The following COL2A1 variants were observed in gnomAD, a reference collection of about 807,000 sequenced individuals.
COL2A1 encodes the protein collagen alpha-1(II) chain.
In COL2A1, 28 loss-of-function variants were observed where a neutral mutation model predicts 204.5. That is an observed-to-expected ratio of 0.14 (90% CI 0.10 to 0.19). COL2A1 has a LOEUF of 0.19. Ranked by LOEUF, COL2A1 falls within the 10% of genes least tolerant of loss-of-function variation. The pLI, the probability that COL2A1 is intolerant of heterozygous loss-of-function variation, is 1.00. For synonymous variants in COL2A1, 708 were observed against 718.7 expected, an observed-to-expected ratio of 0.99 and a Z score of 0.24; for missense variants, 1,388 against 2,027.5, an observed-to-expected ratio of 0.68 and a Z score of 6.06.
rs750743772 is a variant in COL2A1 at position 47,976,789 on chromosome 12, C to T, written c.3435+23G>A. The T allele has an allele frequency of 1.7e-5, 28 of 1,601,308 alleles. No individual in the cohort carries two copies. The Admixed American group carries it at 4.6e-4, about 26-fold the overall frequency. On this transcript the variant is annotated intron_variant, in intron 48 of 53. Coordinates refer to ENST00000380518, the MANE Select transcript of COL2A1 (RefSeq NM_001844.5). The surrounding 1 kb of genome is among the most constrained non-coding windows in gnomAD (Gnocchi z 4.3). The stretch of plus-strand genomic sequence containing the variant: ...TGTGTGGCAGGAGGCCTCGGGAAGT[C>T]CCACGCAGGCAGTGACACTCACAGG...
chr12:47,994,043 G>A lies in COL2A1; in HGVS notation c.821C>T (p.Ala274Val). 3.7e-6 allele frequency: 6 copies of A among 1,613,990 alleles called. No homozygotes were observed. The highest frequency in any genetic ancestry group is 5.1e-6 in the Non-Finnish European group (6 of 1,180,000). Residue 274 changes from alanine (A) to valine (V), a missense_variant, in exon 13 of 54, where the codon GCT becomes GTT. By Grantham distance (64) the Ala-to-Val change is moderately conservative (BLOSUM62 0). Around this residue, in one of 3 missense-constraint regions of COL2A1, gnomAD observed 884 missense variants for 1,415.8 expected, o/e 0.62. Coordinates refer to ENST00000380518, the MANE Select transcript of COL2A1 (RefSeq NM_001844.5). ...GERGPPGPQGARGFPGTPGLP... is the reference protein window; with the variant it reads ...GERGPPGPQGVRGFPGTPGLP... The stretch of plus-strand genomic sequence containing the variant: ...GCCTGGGGTTCCTGGGAAACCACGA[G>A]CACCCTGCAATCCAAAGTGGAGGTG...
In COL2A1 at chr12:47,978,220, G is replaced by A; in HGVS notation, c.3003+71C>T. On this transcript the variant is annotated intron_variant, in intron 43 of 53. Transcript: ENST00000380518. This position sits in a 1 kb window ranked among gnomAD's most constrained non-coding sequence, Gnocchi z 5.5. ...GGGCAGACAAGGGACAGTCCTGAGG[G>A]TGCTGAGGGAGGTAGAAGCCTTGGC... is the stretch of plus-strand genomic sequence containing the variant. The A allele has an allele frequency of 6.3e-7, 1 of 1,590,540 alleles. No individual in the cohort carries two copies. The highest frequency in any genetic ancestry group is 8.6e-7 in the Non-Finnish European group (1 of 1,163,164).
intron 15 of COL2A1, 94 bp from the exon 16 acceptor site, chr12:47,993,025 G>A (rs1397073008): frequency 8.3e-7 from 1 of 1,204,130 alleles, no homozygotes; most frequent in South Asian, 1.3e-5. Context: ...GATACCAGAG[G>A]AGAGGGAGGA....
intron 37 of COL2A1, 133 bp from the exon 38 acceptor site, chr12:47,981,101 C>T: frequency 1.0e-6 from 1 of 995,860 alleles, no homozygotes; most frequent in Non-Finnish European, 1.5e-6. Context: ...AGCCTTAGTC[C>T]TGAACGCAGG....
At chr12:47,983,068 C>A (rs1363818030) in intron 32 of COL2A1, 25 bp downstream of exon 32, 12 of 1,613,590 alleles carry the variant, frequency 7.4e-6, no homozygotes, top group Non-Finnish European at 1.0e-5. Context: ...AGGAGGCAGC[C>A]CGCATTGGCC....
rs760367020 is a variant in COL2A1 at position 47,982,863 on chromosome 12, G to A, written c.2178C>T (p.Gly726=). The change falls in exon 33 of 54, where the codon GGC becomes GGT. Residue 726 remains glycine, a synonymous_variant. Transcript: ENST00000380518. ...CCTCACTTACTTTGGGACCATCAGT[G>A]CCAGGAGTGCCGGGGAGGCCACGGG... is the stretch of plus-strand genomic sequence containing the variant. The part of the protein sequence containing the change: ...QGPRGLPGTP[G]TDGPKGASGP... 6.2e-7 allele frequency: 1 copy of A among 1,611,782 alleles called. No homozygotes were observed. Among genetic ancestry groups the A allele is most frequent in the Non-Finnish European group, 8.5e-7 (1 of 1,179,804 alleles).
intron 5 of COL2A1, 35 bp from the exon 6 acceptor site, chr12:47,997,959 G>A (rs781196396): frequency 1.2e-6 from 2 of 1,614,114 alleles, no homozygotes; most frequent in Admixed American, 3.3e-5. Context: ...TGACAGCAAG[G>A]CCAGGAGCCT....
intron 1 of COL2A1, 43 bp from the exon 2 acceptor site, chr12:48,000,168 G>T (rs1347025242): frequency 2.2e-6 from 3 of 1,387,662 alleles, no homozygotes; most frequent in Non-Finnish European, 3.0e-6. Flanking sequence ...GCCAAGGGAA[G>T]GAGGGGGTGG....
At chr12:48,001,670 G>A (rs893846161) in intron 1 of COL2A1, among the ~76,000 whole-genome samples, 11 of 152,194 alleles carry the variant, frequency 7.2e-5, no homozygotes, top group African/African-American at 2.7e-4. Flanking sequence ...TGTAAGAGCC[G>A]CTGAGTGACT....
chr12:47,989,710 C>T lies in COL2A1; in HGVS notation c.1068+51G>A, dbSNP rs41317907. 5,892 of 1,555,058 alleles carry T rather than the reference C, an allele frequency of 3.8e-3. 177 individuals are homozygous for T. The African/African-American group carries it at 0.068, about 18-fold the overall frequency. On this transcript the variant is annotated intron_variant, in intron 17 of 53. Coordinates refer to ENST00000380518, the MANE Select transcript of COL2A1 (RefSeq NM_001844.5). ...CTGCAGACTGCCTTGGGCTGCTTAA[C>T]GGGACTTAAAGCACAGCAACAATGA...
At position 47,978,651 on chromosome 12, in the gene COL2A1, T is replaced by C. The variant is rs750729151; in HGVS notation, c.2841A>G (p.Gln947=). Residue 947 remains glutamine (Q), a synonymous_variant, in exon 42 of 54, where the codon CAA becomes CAG. Transcript: ENST00000380518. This position sits in a 1 kb window ranked among gnomAD's most constrained non-coding sequence, Gnocchi z 5.5. ...TCTCGCCAGGGGGTCCAGCAGGACC[T>C]TGGAGGCCGGGTTCACCAGCTCGGC... The part of the protein sequence containing the change: ...PPGRAGEPGL[Q]GPAGPPGEKG... The C allele has an allele frequency of 6.2e-7, 1 of 1,613,430 alleles. No homozygotes were observed. The highest frequency in any genetic ancestry group is 8.5e-7 in the Non-Finnish European group (1 of 1,179,988).
Position 47,977,153 on chromosome 12 carries a change from A to C in COL2A1, c.3276T>G (p.Gly1092=). The C allele has an allele frequency of 6.2e-7, 1 of 1,611,026 alleles. No individual in the cohort carries two copies. Among genetic ancestry groups the C allele is most frequent in the African/African-American group, 1.3e-5 (1 of 75,004 alleles). Residue 1092 remains glycine, a splice_region_variant and synonymous_variant, in exon 47 of 54, where the codon GGT becomes GGG. Transcript: ENST00000380518. ...CTGAGGGTCCCATGGGGCCTTGTGCACCCTGAGGAGAGAGTGAGCGCAGCG... is the reference window on the plus strand; with the variant it reads ...CTGAGGGTCCCATGGGGCCTTGTGCCCCCTGAGGAGAGAGTGAGCGCAGCG... The part of the protein sequence containing the change: ...TGKQGDRGEA[G]AQGPMGPSGP...
In COL2A1 at chr12:47,989,790, C is replaced by T. The variant is rs547224514; in HGVS notation, c.1039G>A (p.Asp347Asn). The T allele has an allele frequency of 2.5e-6, 4 of 1,613,458 alleles. No homozygotes were observed. Among genetic ancestry groups the T allele is most frequent in the South Asian group, 1.1e-5 (1 of 91,076 alleles). The change falls in exon 17 of 54, where the codon GAT (aspartate) becomes AAT (asparagine). Residue 347 changes from aspartate (D) to asparagine (N), a missense_variant. By Grantham distance (23) the Asp-to-Asn change is conservative. Transcript: ENST00000380518. ...GGCCCTGCGGGGCCTGGCTGACCAT[C>T]GTTGCCTCGGGCACCCTGTGAGCAA... is the stretch of plus-strand genomic sequence containing the variant. ...PAGAAGARGN[D>N]GQPGPAGPPG...
At position 47,973,337 on chromosome 12, in the gene COL2A1, T is replaced by A; in HGVS notation, c.*70A>T. Reference sequence around the variant, plus strand: ...AGCCATTCAGTGCAGAGTCCTAGAGTGACTGAGATTGGAAAGTACTTGGGT... The same window carrying A: ...AGCCATTCAGTGCAGAGTCCTAGAGAGACTGAGATTGGAAAGTACTTGGGT... On this transcript the variant is annotated 3_prime_UTR_variant, in exon 54 of 54. Transcript: ENST00000380518. 1 of 1,603,648 alleles carries A rather than the reference T, an allele frequency of 6.2e-7. No individual in the cohort carries two copies. Among genetic ancestry groups the A allele is most frequent in the Non-Finnish European group, 8.5e-7 (1 of 1,170,664 alleles).
intron 16 of COL2A1, among the ~76,000 whole-genome samples, chr12:47,992,184 C>G (rs1436149755): frequency 6.6e-6 from 1 of 152,172 alleles, no homozygotes; most frequent in East Asian, 1.9e-4. Flanking sequence ...ACGCCTCTGT[C>G]TGGCACCCTG....
Position 47,987,554 on chromosome 12 carries a change from A to G in COL2A1, c.1221+57T>C. The G allele has an allele frequency of 1.3e-5, 19 of 1,452,748 alleles. No homozygotes were observed. Among genetic ancestry groups the G allele is most frequent in the Non-Finnish European group, 1.8e-5 (19 of 1,049,044 alleles). 90.0% of individuals were successfully genotyped at this position (1,452,748 alleles called of 1,614,324 possible). ...ACTGTCAGAGCAAAGTACAGAGTCA[A>G]GAGTTCCAAAGCCACAGACCCCAGA... On this transcript the variant is annotated intron_variant, in intron 19 of 53. Transcript: ENST00000380518. The surrounding 1 kb of genome is among the most constrained non-coding windows in gnomAD (Gnocchi z 4.1).
At chr12:47,983,569 G>T in intron 30 of COL2A1, 114 bp downstream of exon 30, 1 of 1,432,574 alleles carries the variant, frequency 7.0e-7, no homozygotes, top group African/African-American at 1.4e-5. Flanking sequence ...GGGAAGGCTC[G>T]ATGCCTGGCA....
chr12:47,975,870 T>A (rs896648876), intron 50 of COL2A1, 93 bp downstream of exon 50: 1 of 973,036 alleles, frequency 1.0e-6, no homozygotes, highest in African/African-American at 1.6e-5. Flanking sequence ...AGCTGCAGGC[T>A]GATGCCCTAA....
intron 33 of COL2A1, 31 bp downstream of exon 33, chr12:47,982,817 G>T: frequency 6.3e-7 from 1 of 1,581,502 alleles, no homozygotes. Context: ...AGGCTACCAC[G>T]AAGACCCCTA....
Sources: allele counts gnomAD v4.1 joint callset (sites outside exome capture counted in the v4.1 genomes callset), GRCh38; gene constraint gnomAD v4.1.1; regional missense constraint gnomAD v4.1.1; non-coding constraint Gnocchi (gnomAD v3.1); transcripts MANE v1.5; gene names NCBI Gene and HGNC (gene_info 2026-07-23, HGNC 2026-07-21).